The following CAST variants were observed in gnomAD, a reference collection of about 807,000 sequenced individuals.
The protein encoded by CAST is calpastatin.
In CAST, 76 loss-of-function variants were observed where a neutral mutation model predicts 119.6. The ratio of observed to expected loss-of-function variants is 0.64; its 90% confidence interval spans 0.53 to 0.77. CAST has a LOEUF of 0.77. Ranked by LOEUF, CAST falls within the 30% of genes least tolerant of loss-of-function variation. The pLI is 0.00. For missense variants in CAST, 953 were observed against 946.5 expected (o/e 1.01, Z -0.09); for synonymous variants, 319 against 331.6 (o/e 0.96, Z 0.41).
At chr5:96,400,914 C>A in the CAST span, among the ~76,000 whole-genome samples, 922 of 151,404 alleles carry the variant, frequency 6.1e-3, 8 homozygotes, top group African/African-American at 0.021. Context: ...GGTGAAACCC[C>A]GTCTCTACTA....
the CAST span, among the ~76,000 whole-genome samples, chr5:96,133,292 AG>A: frequency 3.8e-3 from 576 of 149,844 alleles, 2 homozygotes; most frequent in African/African-American, 5.8e-3. Flanking sequence ...AAACGCTTTG[AG>A]AAAAAAAAAA....
intron 1 of CAST, among the ~76,000 whole-genome samples, chr5:96,620,483 A>G (rs139941173): frequency 7.9e-4 from 121 of 152,298 alleles, no homozygotes; most frequent in Middle Eastern, 3.4e-3. Context: ...CAGCCATGAT[A>G]TCATGAGGGT....
the CAST span, among the ~76,000 whole-genome samples, chr5:96,013,198 T>A: frequency 6.6e-6 from 1 of 151,576 alleles, no homozygotes; most frequent in East Asian, 1.9e-4. Context: ...GGTATGCTTT[T>A]TTTTTTTTGC....
chr5:96,381,688 A>G, the CAST span, among the ~76,000 whole-genome samples: 1 of 152,186 alleles, frequency 6.6e-6, no homozygotes, highest in Non-Finnish European at 1.5e-5. Flanking sequence ...TGGTGAGTGC[A>G]GCTCTTGGTC....
the CAST span, chr5:96,429,215 G>A: frequency 1.4e-6 from 2 of 1,477,926 alleles, no homozygotes; most frequent in Non-Finnish European, 1.9e-6. Flanking sequence ...ACACTTACAC[G>A]ATCATCATCA....
chr5:95,967,672 G>A, the CAST span, among the ~76,000 whole-genome samples: 12 of 152,006 alleles, frequency 7.9e-5, no homozygotes, highest in African/African-American at 2.4e-4. Flanking sequence ...CGTTGCTGTC[G>A]CCATGTGAAG....
At chr5:95,969,312 A>G in the CAST span, among the ~76,000 whole-genome samples, 1 of 152,140 alleles carries the variant, frequency 6.6e-6, no homozygotes, top group Non-Finnish European at 1.5e-5. Flanking sequence ...ATATGTTAGG[A>G]CTGTTCAGGT....
intron 1 of CAST, among the ~76,000 whole-genome samples, chr5:96,611,952 G>A (rs1025955893): frequency 6.6e-6 from 1 of 152,180 alleles, no homozygotes; most frequent in Non-Finnish European, 1.5e-5. Flanking sequence ...ACAGATGTTG[G>A]TGAGGATGCA....
Position 96,754,549 on chromosome 5 carries a change from C to T in CAST, c.1627-109C>T, listed in dbSNP as rs758084712. The T allele has an allele frequency of 1.2e-3, 852 of 713,938 alleles. 2 individuals are homozygous for T. The highest frequency in any genetic ancestry group is 1.5e-3 in the Non-Finnish European group (594 of 402,760). 44.2% of individuals were successfully genotyped at this position (713,938 alleles called of 1,614,324 possible). ...AGCACTAAGCATACGGTCATATGTA[C>T]TTCCTAACCTAATGATAGATTTGTT... is the stretch of plus-strand genomic sequence containing the variant. On this transcript the variant is annotated intron_variant, in intron 21 of 31. Transcript: ENST00000675179.
chr5:96,481,522 A>G, the CAST span, among the ~76,000 whole-genome samples: 2 of 152,202 alleles, frequency 1.3e-5, no homozygotes, highest in African/African-American at 2.4e-5. Context: ...ATCCTAAGTG[A>G]GAATGTATTC....
chr5:96,121,577 T>C, the CAST span, among the ~76,000 whole-genome samples: 1 of 152,002 alleles, frequency 6.6e-6, no homozygotes, highest in Admixed American at 6.5e-5. Context: ...GTTTTGGCGG[T>C]GAGGCTCTGA....
chr5:96,730,663 C>G, intron 8 of CAST, 117 bp from the exon 9 acceptor site: 1 of 743,072 alleles, frequency 1.3e-6, no homozygotes, highest in East Asian at 2.6e-5. Context: ...CAAACATTCC[C>G]TTATGGTGTC....
chr5:96,219,969 G>A, the CAST span, among the ~76,000 whole-genome samples: 1 of 152,314 alleles, frequency 6.6e-6, no homozygotes, highest in South Asian at 2.1e-4. Flanking sequence ...GGAGCAGGAT[G>A]TCTGAAGCTG....
At chr5:96,265,278 C>T in the CAST span, among the ~76,000 whole-genome samples, 13 of 151,968 alleles carry the variant, frequency 8.6e-5, no homozygotes, top group African/African-American at 3.1e-4. Context: ...TGTGTGTGTA[C>T]ATATGTGTGT....
the CAST span, among the ~76,000 whole-genome samples, chr5:96,028,820 T>A: frequency 6.6e-6 from 1 of 152,016 alleles, no homozygotes; most frequent in South Asian, 2.1e-4. Context: ...AAAGTATAGG[T>A]TTTTATCTAA....
At chr5:96,679,994 G>A (rs886294453) in intron 2 of CAST, among the ~76,000 whole-genome samples, 10 of 151,966 alleles carry the variant, frequency 6.6e-5, no homozygotes, top group Admixed American at 5.2e-4. Flanking sequence ...ACTTTTTAAT[G>A]ATTGTGTAGC....
the CAST span, among the ~76,000 whole-genome samples, chr5:96,003,976 TC>T: frequency 6.6e-6 from 1 of 152,168 alleles, no homozygotes; most frequent in African/African-American, 2.4e-5. Context: ...TTAGGACAGC[TC>T]CCGCTTTTAA....
chr5:95,990,686 G>A, the CAST span, among the ~76,000 whole-genome samples: 2 of 151,744 alleles, frequency 1.3e-5, no homozygotes, highest in East Asian at 1.9e-4. Context: ...GTGAATATAA[G>A]CATTTATCTT....
chr5:96,126,520 TC>T, the CAST span, among the ~76,000 whole-genome samples: 1 of 152,102 alleles, frequency 6.6e-6, no homozygotes, highest in East Asian at 1.9e-4. Context: ...TAAAACCTCA[TC>T]TTTTTTTTCC....
Sources: gnomAD v4.1 joint callset for allele counts (sites outside exome capture counted in the v4.1 genomes callset) on GRCh38, gnomAD v4.1.1 for gene constraint, MANE v1.5 for transcripts, NCBI Gene and HGNC (gene_info 2026-07-23, HGNC 2026-07-21) for gene names.